Variants in NXN observed in about 807,000 individuals in gnomAD.
The protein encoded by NXN is nucleoredoxin 1.
Under a neutral mutation model 48.6 loss-of-function variants are expected in NXN, and 16 were observed. The observed-to-expected ratio is 0.33, with a 90% confidence interval of 0.22 to 0.50. NXN has a LOEUF of 0.50. NXN is among the 20% of genes least tolerant of loss of function. The pLI is 0.98. For missense variants in NXN, 492 were observed against 605.5 expected, an observed-to-expected ratio of 0.81 and a Z score of 1.97; for synonymous variants, 281 against 269.6, an observed-to-expected ratio of 1.04 and a Z score of -0.41.
At chr17:810,315 T>C (rs1320568509) in intron 5 of NXN, among the ~76,000 whole-genome samples, 1 of 150,438 alleles carries the variant, frequency 6.6e-6, no homozygotes, top group Non-Finnish European at 1.5e-5. Flanking sequence ...GTGAGTGGTG[T>C]GCACGTTACG....
At chr17:947,634 G>C (rs1188756459) in intron 1 of NXN, among the ~76,000 whole-genome samples, 1 of 151,414 alleles carries the variant, frequency 6.6e-6, no homozygotes, top group African/African-American at 2.4e-5. Flanking sequence ...TCGGGAGGCT[G>C]AGGCAGGGGA....
At chr17:843,006 G>GAGAAAGAGAGAAAGAGAGAA (rs1555613117) in intron 1 of NXN, among the ~76,000 whole-genome samples, 28 of 96,076 alleles carry the variant, frequency 2.9e-4, no homozygotes, top group Non-Finnish European at 4.0e-4. Context: ...GAGAGAAAGA[G>GAGAAAGAGAGAAAGAGAGAA]AGAAAGAAAG....
chr17:924,094 G>T (rs997629184), intron 1 of NXN, among the ~76,000 whole-genome samples: 1 of 150,978 alleles, frequency 6.6e-6, no homozygotes, highest in African/African-American at 2.4e-5. Context: ...TTGAGACAGG[G>T]TCTCACTCTG....
At chr17:909,263 G>A (rs1597232875) in intron 1 of NXN, among the ~76,000 whole-genome samples, 2 of 152,146 alleles carry the variant, frequency 1.3e-5, no homozygotes, top group Middle Eastern at 3.4e-3. Flanking sequence ...ATAAAACATT[G>A]CAAAATCTGA....
intron 1 of NXN, among the ~76,000 whole-genome samples, chr17:847,623 G>A (rs947209292): frequency 2.0e-5 from 3 of 152,166 alleles, no homozygotes; most frequent in Admixed American, 1.3e-4. Context: ...CCGACACTAA[G>A]AAACTGTGAC....
chr17:898,005 T>C (rs2068505845), intron 1 of NXN, among the ~76,000 whole-genome samples: 1 of 152,186 alleles, frequency 6.6e-6, no homozygotes. Flanking sequence ...TAAGGATAAC[T>C]TGATATTGTG....
intron 1 of NXN, among the ~76,000 whole-genome samples, chr17:937,717 G>C (rs990854176): frequency 6.6e-6 from 1 of 152,164 alleles, no homozygotes; most frequent in Non-Finnish European, 1.5e-5. Flanking sequence ...ATCCGAGCTG[G>C]CAGCCCACAA....
At chr17:948,651 G>A (rs1006974904) in intron 1 of NXN, among the ~76,000 whole-genome samples, 1 of 151,990 alleles carries the variant, frequency 6.6e-6, no homozygotes, top group Non-Finnish European at 1.5e-5. Flanking sequence ...GTGCTTCACG[G>A]AACAAACGCT....
At chr17:946,955 C>T (rs1422582767) in intron 1 of NXN, among the ~76,000 whole-genome samples, 1 of 152,204 alleles carries the variant, frequency 6.6e-6, no homozygotes, top group African/African-American at 2.4e-5. Flanking sequence ...GAGCACAGAT[C>T]CTGGTTCAGC....
intron 5 of NXN, among the ~76,000 whole-genome samples, chr17:815,046 G>T (rs879504566): frequency 6.6e-6 from 1 of 152,228 alleles, no homozygotes; most frequent in African/African-American, 2.4e-5. Context: ...GATTACAGGC[G>T]TGAGCCACCA....
chr17:973,520 G>C (rs1031669319), intron 1 of NXN, among the ~76,000 whole-genome samples: 2 of 152,140 alleles, frequency 1.3e-5, no homozygotes, highest in African/African-American at 4.8e-5. Context: ...TCTTTCCCAG[G>C]CTTCGTCGAT....
chr17:839,797 T>TAAAAAAAAAAAAAAAAAAAA lies in NXN; in HGVS notation c.361-13720_361-13719insTTTTTTTTTTTTTTTTTTTT, dbSNP rs553678056. Among the ~76,000 whole-genome samples the TAAAAAAAAAAAAAAAAAAAA allele has an allele frequency of 4.4e-4, 25 of 57,240 alleles. 2 individuals are homozygous for TAAAAAAAAAAAAAAAAAAAA. The highest frequency in any genetic ancestry group is 1.6e-3 in the East Asian group (2 of 1,244). 37.6% of individuals were successfully genotyped at this position (57,240 alleles called of 152,430 possible). On this transcript the variant is annotated intron_variant, in intron 1 of 7. Transcript: ENST00000336868. Reference sequence around the variant, plus strand: ...CAGCCTGGCGACAGAGAGACCTTGTTAAAAAAAAAAAAAAAAAGGCCAGGC... The same window carrying TAAAAAAAAAAAAAAAAAAAA: ...CAGCCTGGCGACAGAGAGACCTTGTTAAAAAAAAAAAAAAAAAAAAAAAAAAAAAAAAAAAAAGGCCAGGC...
At chr17:879,020 C>A (rs1472389222) in intron 1 of NXN, among the ~76,000 whole-genome samples, 2 of 151,872 alleles carry the variant, frequency 1.3e-5, no homozygotes, top group Non-Finnish European at 2.9e-5. Flanking sequence ...CAAAAACTAG[C>A]CAGGTGTGGT....
chr17:868,903 G>A (rs547486420), intron 1 of NXN, among the ~76,000 whole-genome samples: 2 of 152,220 alleles, frequency 1.3e-5, no homozygotes, highest in East Asian at 1.9e-4. Context: ...AAAGGAAAAT[G>A]TCCAGATGCA....
In NXN at chr17:971,526, C is replaced by T. The variant is rs575632433; in HGVS notation, c.360+7793G>A. Reference sequence around the variant, plus strand: ...GAGTTCAAGACCATCCTGGCTAACACGGTGAAACCCCGTCTCTACTAAAAA... The same window carrying T: ...GAGTTCAAGACCATCCTGGCTAACATGGTGAAACCCCGTCTCTACTAAAAA... On this transcript the variant is annotated intron_variant, in intron 1 of 7. Coordinates refer to ENST00000336868, the MANE Select transcript of NXN (RefSeq NM_022463.5). Among the ~76,000 whole-genome samples the T allele has an allele frequency of 3.7e-4, 55 of 150,508 alleles. 1 individual carries two copies. The highest frequency in any genetic ancestry group is 2.5e-3 in the East Asian group (12 of 4,806).
At chr17:911,290 G>C (rs929326555) in intron 1 of NXN, 3 of 144,616 alleles carry the variant, frequency 2.1e-5, no homozygotes, top group African/African-American at 7.7e-5. Flanking sequence ...ACAATATTTT[G>C]TATTTCTAGC....
chr17:887,097 G>A (rs1207981696), intron 1 of NXN, among the ~76,000 whole-genome samples: 2 of 149,788 alleles, frequency 1.3e-5, no homozygotes, highest in African/African-American at 5.0e-5. Context: ...TTTTTTTTCT[G>A]TAGAGATGGG....
At chr17:921,899 C>T (rs1260464476) in intron 1 of NXN, among the ~76,000 whole-genome samples, 1 of 152,228 alleles carries the variant, frequency 6.6e-6, no homozygotes, top group East Asian at 1.9e-4. Context: ...CGCAGTCTCA[C>T]CTGTATCCCA....
chr17:811,506 G>A (rs1288392297), intron 5 of NXN, among the ~76,000 whole-genome samples: 1 of 144,768 alleles, frequency 6.9e-6, no homozygotes, highest in African/African-American at 2.6e-5. Context: ...AAAGCCCCGG[G>A]GTTGGGGGGG....
Sources: allele counts gnomAD v4.1 joint callset (sites outside exome capture counted in the v4.1 genomes callset), GRCh38; gene constraint gnomAD v4.1.1; transcripts MANE v1.5; gene names NCBI Gene and HGNC (gene_info 2026-07-23, HGNC 2026-07-21).